Variants in BTRC observed in about 807,000 individuals in gnomAD.
BTRC encodes beta-transducin repeat containing E3 ubiquitin protein ligase.
Under a neutral mutation model 85.5 loss-of-function variants are expected in BTRC, and 42 were observed. That is an observed-to-expected ratio of 0.49 (90% confidence interval 0.38 to 0.64). The LOEUF is 0.64. Ranked by LOEUF, BTRC falls within the 30% of genes least tolerant of loss-of-function variation. BTRC has a pLI of 0.00. For synonymous variants in BTRC, 255 were observed against 263.3 expected, an observed-to-expected ratio of 0.97 and a Z score of 0.30; for missense variants, 594 against 743.5, an observed-to-expected ratio of 0.80 and a Z score of 2.34.
rs1426646392 is a variant in BTRC, at chr10:101,358,594, A to T, written c.48+4366A>T. ...AACCTCAAAACTTAGCTTAAAAAAA[A>T]CAATTATTTTTCCCCTCAAATCTGA... is the stretch of plus-strand genomic sequence containing the variant. On this transcript the variant is annotated intron_variant, in intron 1 of 14. Coordinates refer to ENST00000370187, the MANE Select transcript of BTRC (RefSeq NM_033637.4). Among the ~76,000 whole-genome samples the T allele has an allele frequency of 2.0e-5, 3 of 152,212 alleles. No homozygotes were observed. In the East Asian group the frequency reaches 5.8e-4, roughly 29 times the overall value.
intron 2 of BTRC, among the ~76,000 whole-genome samples, chr10:101,450,646 T>C (rs1212427116): frequency 6.6e-6 from 1 of 152,210 alleles, no homozygotes; most frequent in African/African-American, 2.4e-5. Context: ...ACAGCCGAGT[T>C]GTTCAGTTTT....
chr10:101,354,801 G>C (rs1454778137), intron 1 of BTRC, among the ~76,000 whole-genome samples: 1 of 152,110 alleles, frequency 6.6e-6, no homozygotes, highest in Non-Finnish European at 1.5e-5. Context: ...CCTTTGCCTT[G>C]AGGGTGGAAT....
rs199968647 is a variant in BTRC, at chr10:101,395,512, CTT to C, written c.49-34832_49-34831del. Among the ~76,000 whole-genome samples the C allele has an allele frequency of 6.9e-3, 1,044 of 152,216 alleles. 11 individuals are homozygous for C. Among genetic ancestry groups the C allele is most frequent in the African/African-American group, 0.021 (853 of 41,524 alleles). On this transcript the variant is annotated intron_variant, in intron 1 of 14. Transcript: ENST00000370187. ...CCTTGATCCAGTAATTAATTTTGCT[CTT>C]AACATTTACAGACCCTTCCTCTCCT... is the stretch of plus-strand genomic sequence containing the variant.
intron 5 of BTRC, among the ~76,000 whole-genome samples, chr10:101,525,545 C>T (rs529289372): frequency 1.3e-5 from 2 of 152,228 alleles, no homozygotes; most frequent in South Asian, 4.2e-4. Flanking sequence ...TGCCTCTCCC[C>T]TAGTACATTT....
At chr10:101,434,892 C>G (rs549539752) in intron 2 of BTRC, among the ~76,000 whole-genome samples, 36 of 151,934 alleles carry the variant, frequency 2.4e-4, no homozygotes, top group Non-Finnish European at 5.2e-4. Context: ...ACCTCGGCCT[C>G]CTAAAGTCCT....
intron 2 of BTRC, among the ~76,000 whole-genome samples, chr10:101,451,735 G>C (rs1004346183): frequency 5.9e-5 from 9 of 152,168 alleles, no homozygotes; most frequent in African/African-American, 2.2e-4. Flanking sequence ...CAGAGGGTCA[G>C]TAATCAGTGT....
intron 1 of BTRC, among the ~76,000 whole-genome samples, chr10:101,377,238 C>A (rs971739253): frequency 9.2e-5 from 14 of 152,134 alleles, no homozygotes; most frequent in African/African-American, 3.1e-4. Context: ...CAGGAGTTCA[C>A]GTCTTACTAT....
At chr10:101,378,013 C>T (rs1307648712) in intron 1 of BTRC, among the ~76,000 whole-genome samples, 1 of 151,946 alleles carries the variant, frequency 6.6e-6, no homozygotes, top group Admixed American at 6.6e-5. Context: ...CTTATGGACA[C>T]TGTGATCAAG....
At chr10:101,469,155 G>A (rs1037968301) in intron 3 of BTRC, among the ~76,000 whole-genome samples, 4 of 152,226 alleles carry the variant, frequency 2.6e-5, no homozygotes, top group Admixed American at 1.3e-4. Flanking sequence ...GTTGCATGGG[G>A]ACAGAACCTA....
chr10:101,492,438 G>T (rs1192132660), intron 4 of BTRC, among the ~76,000 whole-genome samples: 2 of 152,100 alleles, frequency 1.3e-5, no homozygotes, highest in Admixed American at 1.3e-4. Context: ...GCAACCTAAA[G>T]AGTGCTTTTA....
At chr10:101,373,145 A>T (rs937301304) in intron 1 of BTRC, among the ~76,000 whole-genome samples, 12 of 152,198 alleles carry the variant, frequency 7.9e-5, no homozygotes, top group African/African-American at 2.9e-4. Context: ...AGAGGCTTTA[A>T]ATCTGTGGTC....
intron 2 of BTRC, among the ~76,000 whole-genome samples, chr10:101,461,343 G>T (rs1257523006): frequency 1.3e-5 from 2 of 152,064 alleles, no homozygotes; most frequent in Non-Finnish European, 2.9e-5. Flanking sequence ...CAGATTTTTA[G>T]TACTTATGAA....
At position 101,557,092 on chromosome 10, in the gene BTRC, TAAC is replaced by T. The variant is rs2062732068; in HGVS notation, c.*3974_*3976del. On this transcript the variant is annotated 3_prime_UTR_variant, in exon 15 of 15. Transcript: ENST00000370187. The stretch of plus-strand genomic sequence containing the variant: ...GTGCACTCCAATGATGGGACAGGCC[TAAC>T]AACACATGTAAGCTTCCCCGAGAGC... The T allele has an allele frequency of 6.6e-6, 1 of 152,202 alleles. No homozygotes were observed. The highest frequency in any genetic ancestry group is 2.1e-4 in the South Asian group (1 of 4,830). The allele number at this position is 152,202 out of a possible 1,614,324, so 9.4% of individuals were successfully genotyped here.
At chr10:101,531,391 C>A in intron 7 of BTRC, 58 bp downstream of exon 7, 2 of 1,302,380 alleles carry the variant, frequency 1.5e-6, no homozygotes, top group South Asian at 1.3e-5. Flanking sequence ...CAGCATTCTT[C>A]AGTCACAGTA....
chr10:101,384,181 T>C (rs539567662), intron 1 of BTRC, among the ~76,000 whole-genome samples: 28 of 152,348 alleles, frequency 1.8e-4, no homozygotes, highest in African/African-American at 6.3e-4. Context: ...GTCTGTGCAA[T>C]TAGTAAAGCA....
chr10:101,399,936 A>G (rs1943454845), intron 1 of BTRC, among the ~76,000 whole-genome samples: 1 of 152,160 alleles, frequency 6.6e-6, no homozygotes. Context: ...TGAATATGTA[A>G]CTCTTAATAC....
intron 4 of BTRC, among the ~76,000 whole-genome samples, chr10:101,509,585 C>G (rs1365128576): frequency 1.4e-5 from 2 of 146,042 alleles, no homozygotes; most frequent in African/African-American, 2.6e-5. Flanking sequence ...CAAGGTCTCT[C>G]TCTGTTGTTT....
intron 3 of BTRC, among the ~76,000 whole-genome samples, chr10:101,478,941 G>GA (rs765974783): frequency 0.031 from 3,001 of 97,960 alleles, 64 homozygotes; most frequent in South Asian, 0.09. Flanking sequence ...TCCATCTGGG[G>GA]AAAAAAAAAA....
chr10:101,396,819 T>TTGAGACTCACTCTGTCACCCAG (rs1943375789), intron 1 of BTRC, among the ~76,000 whole-genome samples: 1 of 151,922 alleles, frequency 6.6e-6, no homozygotes, highest in Admixed American at 6.6e-5. Flanking sequence ...TTTTTTTTTT[T>TTGAGACTCACTCTGTCACCCAG]TGAGACAGAG....
Sources: allele counts gnomAD v4.1 joint callset (sites outside exome capture counted in the v4.1 genomes callset), GRCh38; gene constraint gnomAD v4.1.1; transcripts MANE v1.5; gene names NCBI Gene and HGNC (gene_info 2026-07-23, HGNC 2026-07-21).